CDH18: variants seen among roughly 807,000 people sequenced by gnomAD.
CDH18 encodes cadherin-18.
A neutral mutation model predicts 67.9 loss-of-function variants in CDH18; 31 were observed. That is an observed-to-expected ratio of 0.46 (90% CI 0.34 to 0.62). The LOEUF is 0.62. Among genes scored for constraint, CDH18 ranks in the 20% least tolerant of loss-of-function variants. The pLI is 0.01. For missense variants in CDH18, 890 were observed against 975.5 expected, an observed-to-expected ratio of 0.91 and a Z score of 1.17; for synonymous variants, 362 against 347.2, an observed-to-expected ratio of 1.04 and a Z score of -0.48.
At chr5:19,796,967 A>G (rs557166458) in intron 3 of CDH18, among the ~76,000 whole-genome samples, 95 of 152,006 alleles carry the variant, frequency 6.2e-4, no homozygotes, top group Non-Finnish European at 1.1e-3. Context: ...CACAAAGAAT[A>G]GCATAAAAAA....
chr5:20,213,846 G>A (rs982441679), intron 2 of CDH18, among the ~76,000 whole-genome samples: 1 of 151,840 alleles, frequency 6.6e-6, no homozygotes, highest in African/African-American at 2.4e-5. Context: ...TGGATGTGTT[G>A]ATCTTTTATA....
chr5:20,029,392 T>C (rs1739188619), intron 2 of CDH18, among the ~76,000 whole-genome samples: 1 of 152,182 alleles, frequency 6.6e-6, no homozygotes, highest in Non-Finnish European at 1.5e-5. Flanking sequence ...ATTTTTACAA[T>C]TCTACTGATA....
intron 5 of CDH18, among the ~76,000 whole-genome samples, chr5:19,688,092 G>C (rs950404068): frequency 1.3e-5 from 2 of 152,164 alleles, no homozygotes; most frequent in Non-Finnish European, 2.9e-5. Flanking sequence ...ACCACAGCAT[G>C]CTGCTTAGGA....
intron 2 of CDH18, among the ~76,000 whole-genome samples, chr5:19,900,400 C>G (rs1004349029): frequency 6.6e-6 from 1 of 151,916 alleles, no homozygotes; most frequent in Non-Finnish European, 1.5e-5. Context: ...GTTCTCATAA[C>G]AAATAAATGA....
intron 1 of CDH18, among the ~76,000 whole-genome samples, chr5:20,306,089 T>C (rs1736425998): frequency 6.6e-6 from 1 of 152,212 alleles, no homozygotes; most frequent in South Asian, 2.1e-4. Context: ...TGAAGACTTC[T>C]ACACACAGCC....
chr5:19,628,385 A>C (rs1170134902), intron 5 of CDH18, among the ~76,000 whole-genome samples: 3 of 152,286 alleles, frequency 2.0e-5, no homozygotes, highest in East Asian at 3.9e-4. Context: ...ATATATTTTA[A>C]CATGATTGTT....
chr5:20,413,426 C>G (rs1746972385), intron 1 of CDH18, among the ~76,000 whole-genome samples: 2 of 152,166 alleles, frequency 1.3e-5, no homozygotes. Context: ...ACACTCCCAC[C>G]AACAGTGTAA....
chr5:20,316,339 T>C (rs900061049), intron 1 of CDH18, among the ~76,000 whole-genome samples: 11 of 152,032 alleles, frequency 7.2e-5, no homozygotes, highest in South Asian at 2.1e-4. Flanking sequence ...AAACTTGAAA[T>C]TTAAGATCTC....
intron 1 of CDH18, among the ~76,000 whole-genome samples, chr5:20,312,477 C>T (rs982979275): frequency 2.6e-5 from 4 of 152,110 alleles, no homozygotes; most frequent in East Asian, 1.9e-4. Context: ...ATTAGGTTCT[C>T]GGCATTTGGA....
At chr5:19,537,827 T>A (rs1749659488) in intron 9 of CDH18, among the ~76,000 whole-genome samples, 1 of 152,188 alleles carries the variant, frequency 6.6e-6, no homozygotes, top group African/African-American at 2.4e-5. Flanking sequence ...CCACACTGAC[T>A]AGCAAGTATC....
intron 2 of CDH18, among the ~76,000 whole-genome samples, chr5:20,166,170 G>A (rs1736264827): frequency 6.6e-6 from 1 of 151,956 alleles, no homozygotes; most frequent in African/African-American, 2.4e-5. Context: ...GCCAGGTGTG[G>A]TGGCTCACAC....
At chr5:19,665,885 AAC>A (rs146288157) in intron 5 of CDH18, among the ~76,000 whole-genome samples, 5,980 of 152,088 alleles carry the variant, frequency 0.039, 379 homozygotes, top group African/African-American at 0.14. Context: ...GAGATATTGT[AAC>A]ACAGAATATG....
rs544202306 is a variant in CDH18, at chr5:20,142,201, AAAAT to A, written c.-518+113239_-518+113242del. Reference sequence around the variant, plus strand: ...TTGCATTGTAATATTTAATGTTACAAAAATAAATTAATTATAAAAATATATCTTA... The same window carrying A: ...TTGCATTGTAATATTTAATGTTACAAAAATTAATTATAAAAATATATCTTA... On this transcript the variant is annotated intron_variant, in intron 2 of 14. Coordinates refer to the CDH18 transcript ENST00000507958. 1.4e-4 allele frequency among the ~76,000 whole-genome samples: 22 copies of A among 152,260 alleles called. No individual in the cohort carries two copies. The East Asian group carries it at 4.0e-3, about 28-fold the overall frequency.
chr5:20,025,979 C>T (rs1172402884), intron 2 of CDH18, among the ~76,000 whole-genome samples: 2 of 152,206 alleles, frequency 1.3e-5, no homozygotes, highest in Admixed American at 6.5e-5. Flanking sequence ...GTATAAACTT[C>T]AGTTTTGAAT....
chr5:20,216,552 T>C (rs1381698913), intron 2 of CDH18, among the ~76,000 whole-genome samples: 3 of 151,930 alleles, frequency 2.0e-5, no homozygotes, highest in Non-Finnish European at 4.4e-5. Context: ...ATTATATAGG[T>C]ATATGCCCCC....
chr5:20,077,447 A>T (rs1005441686), intron 2 of CDH18, among the ~76,000 whole-genome samples: 6 of 152,190 alleles, frequency 3.9e-5, no homozygotes, highest in African/African-American at 1.4e-4. Context: ...AGTGAACTTC[A>T]GGGCACTCCA....
At chr5:19,994,730 T>TAC (rs1735788659) in intron 2 of CDH18, among the ~76,000 whole-genome samples, 1 of 16,698 alleles carries the variant, frequency 6.0e-5, no homozygotes, top group Non-Finnish European at 1.0e-4. Context: ...TATATATATA[T>TAC]ATATATATAG....
chr5:19,514,867 T>A (rs1745713197), intron 10 of CDH18, among the ~76,000 whole-genome samples: 1 of 152,154 alleles, frequency 6.6e-6, no homozygotes, highest in Admixed American at 6.6e-5. Flanking sequence ...CTCATTTGTC[T>A]ATTTTGGCTT....
chr5:20,310,377 C>T (rs1161092071), intron 1 of CDH18, among the ~76,000 whole-genome samples: 1 of 152,118 alleles, frequency 6.6e-6, no homozygotes, highest in Non-Finnish European at 1.5e-5. Context: ...CCCCATTTAC[C>T]ATTATCACTA....
Sources: gnomAD v4.1 joint callset for allele counts (sites outside exome capture counted in the v4.1 genomes callset) on GRCh38, gnomAD v4.1.1 for gene constraint, MANE v1.5 for transcripts, NCBI Gene and HGNC (gene_info 2026-07-23, HGNC 2026-07-21) for gene names.